Variants in TRHDE observed in about 807,000 individuals in gnomAD.
The protein encoded by TRHDE is thyrotropin releasing hormone degrading enzyme.
In TRHDE, 72 loss-of-function variants were observed where a neutral mutation model predicts 125.7. That is an observed-to-expected ratio of 0.57 (90% CI 0.47 to 0.70). The LOEUF is 0.70. TRHDE is among the 30% of genes least tolerant of loss of function. The pLI, the probability that TRHDE is intolerant of heterozygous loss-of-function variation, is 0.00. For missense variants in TRHDE, 1,110 were observed against 1,327.1 expected (o/e 0.84, Z 2.54); for synonymous variants, 509 against 509.1 (o/e 1.00, Z 0.00).
At chr12:72,531,213 T>C (rs1868533657) in intron 6 of TRHDE, among the ~76,000 whole-genome samples, 1 of 152,122 alleles carries the variant, frequency 6.6e-6, no homozygotes, top group Non-Finnish European at 1.5e-5. Context: ...ATTTGTTTGT[T>C]AATGAGATTA....
At chr12:72,207,228 C>T (rs771740172) in intron 2 of TRHDE, among the ~76,000 whole-genome samples, 4 of 152,162 alleles carry the variant, frequency 2.6e-5, no homozygotes, top group Non-Finnish European at 4.4e-5. Context: ...AATGGGAGGA[C>T]AGCAGGGCTA....
At chr12:72,466,865 G>A (rs1876400830) in intron 3 of TRHDE, among the ~76,000 whole-genome samples, 1 of 152,102 alleles carries the variant, frequency 6.6e-6, no homozygotes, top group Admixed American at 6.5e-5. Context: ...TTTCTTTGTA[G>A]CATTTATCAT....
At chr12:72,580,842 A>G (rs1424462256) in intron 12 of TRHDE, among the ~76,000 whole-genome samples, 5 of 152,226 alleles carry the variant, frequency 3.3e-5, no homozygotes, top group Admixed American at 3.3e-4. Context: ...TGAACTCACA[A>G]TCTAGCAGGG....
At chr12:72,170,776 T>C (rs542571755) in intron 2 of TRHDE, among the ~76,000 whole-genome samples, 1 of 152,290 alleles carries the variant, frequency 6.6e-6, no homozygotes, top group South Asian at 2.1e-4. Context: ...TGTGAATGCT[T>C]AAAAAGGTAA....
chr12:72,197,724 C>G (rs1285924485), intron 2 of TRHDE, among the ~76,000 whole-genome samples: 2 of 152,152 alleles, frequency 1.3e-5, no homozygotes, highest in Middle Eastern at 3.4e-3. Flanking sequence ...ATATTGTTCC[C>G]TATTCCAGGA....
intron 2 of TRHDE, among the ~76,000 whole-genome samples, chr12:72,307,330 A>ATTTTTT (rs11323954): frequency 7.3e-6 from 1 of 137,154 alleles, no homozygotes. Flanking sequence ...ATACCCAGCT[A>ATTTTTT]TTTTTTTTTT....
intron 12 of TRHDE, among the ~76,000 whole-genome samples, chr12:72,595,943 A>T (rs1871920856): frequency 6.6e-6 from 1 of 152,168 alleles, no homozygotes; most frequent in African/African-American, 2.4e-5. Flanking sequence ...AGGGCTAAAA[A>T]ATTAGTGAAT....
intron 2 of TRHDE, among the ~76,000 whole-genome samples, chr12:72,363,559 G>A (rs1191983877): frequency 2.0e-5 from 3 of 151,948 alleles, no homozygotes; most frequent in African/African-American, 7.2e-5. Flanking sequence ...GGCCTTTGAC[G>A]AAATTCAACA....
intron 2 of TRHDE, among the ~76,000 whole-genome samples, chr12:72,376,241 C>T (rs1255963217): frequency 6.6e-6 from 1 of 152,202 alleles, no homozygotes; most frequent in Non-Finnish European, 1.5e-5. Flanking sequence ...TGCACCCTTG[C>T]TTAGTTTATT....
intron 3 of TRHDE, among the ~76,000 whole-genome samples, chr12:72,426,794 A>G (rs965148789): frequency 2.6e-5 from 4 of 151,928 alleles, no homozygotes; most frequent in Non-Finnish European, 5.9e-5. Context: ...CCAGTTATTA[A>G]GAGGTAAAAA....
chr12:72,645,366 G>T (rs1394797885), intron 15 of TRHDE, among the ~76,000 whole-genome samples: 1 of 152,130 alleles, frequency 6.6e-6, no homozygotes, highest in Non-Finnish European at 1.5e-5. Flanking sequence ...GATCAGACTC[G>T]TGAAGATGGA....
chr12:72,134,707 A>G (rs1353670444), intron 2 of TRHDE, among the ~76,000 whole-genome samples: 3 of 152,112 alleles, frequency 2.0e-5, no homozygotes, highest in African/African-American at 7.2e-5. Context: ...CCTTTATGCT[A>G]TATGTTAACT....
chr12:72,204,405 A>G (rs572547732), intron 2 of TRHDE, among the ~76,000 whole-genome samples: 1 of 151,886 alleles, frequency 6.6e-6, no homozygotes, highest in African/African-American at 2.4e-5. Flanking sequence ...GCTTCCTGTT[A>G]TTTTTTTCTA....
chr12:72,290,721 C>T (rs181037357), intron 2 of TRHDE, among the ~76,000 whole-genome samples: 2 of 152,298 alleles, frequency 1.3e-5, no homozygotes, highest in South Asian at 2.1e-4. Context: ...CATATATCCA[C>T]GTGTGGCTTC....
intron 16 of TRHDE, 27 bp from the exon 17 acceptor site, chr12:72,652,989 A>C: frequency 6.3e-7 from 1 of 1,580,184 alleles, no homozygotes; most frequent in Non-Finnish European, 8.6e-7. Context: ...TTGGACTAAA[A>C]ATTTTTACAA....
intron 12 of TRHDE, among the ~76,000 whole-genome samples, chr12:72,618,582 T>C (rs1216732106): frequency 1.3e-5 from 2 of 152,126 alleles, no homozygotes; most frequent in East Asian, 1.9e-4. Context: ...TGTTAACCTC[T>C]GAAGAGTTTC....
chr12:72,178,204 T>C (rs977782835), intron 2 of TRHDE, among the ~76,000 whole-genome samples: 3 of 152,052 alleles, frequency 2.0e-5, no homozygotes, highest in Non-Finnish European at 4.4e-5. Context: ...TTGACTTAGT[T>C]TGGTAGCATG....
At chr12:72,442,609 A>C (rs913649303) in intron 3 of TRHDE, among the ~76,000 whole-genome samples, 1 of 151,786 alleles carries the variant, frequency 6.6e-6, no homozygotes. Flanking sequence ...CACTTTGATT[A>C]ATGCTTACTG....
In TRHDE at chr12:72,272,827, G is replaced by C; in HGVS notation, c.184G>C (p.Asp62His). 1 of 1,577,360 alleles carries C rather than the reference G, an allele frequency of 6.3e-7. No homozygotes were observed. Among genetic ancestry groups the C allele is most frequent in the African/African-American group, 1.3e-5 (1 of 74,618 alleles). ...ALRAGSRGLS[D>H]PWADSVGVRP... Reference sequence around the variant, plus strand: ...TCGGGCTGGCAGCAGGGGGCTCTCCGACCCGTGGGCAGACTCAGTGGGAGT... The same window carrying C: ...TCGGGCTGGCAGCAGGGGGCTCTCCCACCCGTGGGCAGACTCAGTGGGAGT... The change falls in exon 1 of 19, where the codon GAC becomes CAC. Residue 62 changes from aspartate to histidine, a missense_variant. Physicochemically the swap from Asp to His is moderately conservative, Grantham distance 81. Around this residue, in one of 5 missense-constraint regions of TRHDE, gnomAD observed 248 missense variants for 240.8 expected, o/e 1.03. Transcript: ENST00000261180. The surrounding 1 kb of genome is among the most constrained non-coding windows in gnomAD (Gnocchi z 6.7).
Sources: gnomAD v4.1 joint callset for allele counts (sites outside exome capture counted in the v4.1 genomes callset) on GRCh38, gnomAD v4.1.1 for gene constraint, gnomAD v4.1.1 regional missense constraint, Gnocchi (gnomAD v3.1) non-coding constraint, MANE v1.5 for transcripts, NCBI Gene and HGNC (gene_info 2026-07-23, HGNC 2026-07-21) for gene names.